RBFOX1: variants seen among roughly 807,000 people sequenced by gnomAD.
The protein encoded by RBFOX1 is RNA binding fox-1 homolog 1.
Under a neutral mutation model 57.7 loss-of-function variants are expected in RBFOX1, and 8 were observed. The ratio of observed to expected loss-of-function variants is 0.14; its 90% confidence interval spans 0.08 to 0.25. The LOEUF is 0.25. Ranked by LOEUF, RBFOX1 falls within the 10% of genes least tolerant of loss-of-function variation. The pLI, the probability that RBFOX1 is intolerant of heterozygous loss-of-function variation, is 1.00. For missense variants in RBFOX1, 611 were observed against 548.5 expected (o/e 1.11, Z -1.14); for synonymous variants, 326 against 222.4 (o/e 1.47, Z -4.15).
chr16:6,772,425 C>CGTGT (rs138817907), intron 3 of RBFOX1, among the ~76,000 whole-genome samples: 20 of 146,806 alleles, frequency 1.4e-4, no homozygotes, highest in African/African-American at 3.7e-4. Context: ...TGCGCACGTG[C>CGTGT]GTGTGTGTGT....
chr16:5,283,840 T>G (rs575293158), intron 1 of RBFOX1, among the ~76,000 whole-genome samples: 1 of 152,040 alleles, frequency 6.6e-6, no homozygotes, highest in African/African-American at 2.4e-5. Context: ...TCTCAGTTAA[T>G]GCTGAACTTA....
chr16:6,542,910 C>A (rs1283767612), intron 2 of RBFOX1, among the ~76,000 whole-genome samples: 2 of 151,976 alleles, frequency 1.3e-5, no homozygotes, highest in Non-Finnish European at 2.9e-5. Flanking sequence ...TAGTGGGGAC[C>A]ACACCGTGCT....
chr16:7,507,254 A>C (rs2073627026), intron 4 of RBFOX1, among the ~76,000 whole-genome samples: 1 of 152,088 alleles, frequency 6.6e-6, no homozygotes, highest in African/African-American at 2.4e-5. Context: ...AAGATTTTAC[A>C]CTCTGAACCC....
At chr16:7,057,622 G>A (rs1181599934) in intron 4 of RBFOX1, among the ~76,000 whole-genome samples, 1 of 152,200 alleles carries the variant, frequency 6.6e-6, no homozygotes, top group Non-Finnish European at 1.5e-5. Context: ...ATCTGTCCAG[G>A]GAAGTGGTAT....
chr16:6,478,518 C>G (rs972012849), intron 2 of RBFOX1, among the ~76,000 whole-genome samples: 20 of 145,608 alleles, frequency 1.4e-4, no homozygotes, highest in African/African-American at 4.8e-4. Flanking sequence ...TTGTGATTCA[C>G]TTGCCTTGGC....
chr16:6,247,968 C>A (rs1199704509), intron 1 of RBFOX1, among the ~76,000 whole-genome samples: 1 of 152,158 alleles, frequency 6.6e-6, no homozygotes, highest in Non-Finnish European at 1.5e-5. Context: ...GGACATCCAT[C>A]CCTTTGTGTT....
At chr16:6,613,216 C>G (rs532261408) in intron 2 of RBFOX1, among the ~76,000 whole-genome samples, 110 of 152,222 alleles carry the variant, frequency 7.2e-4, no homozygotes, top group Non-Finnish European at 1.2e-3. Flanking sequence ...GCAGCTCCCC[C>G]ACTGTGCACT....
chr16:6,778,377 A>T (rs1185334537), intron 3 of RBFOX1, among the ~76,000 whole-genome samples: 1 of 152,166 alleles, frequency 6.6e-6, no homozygotes, highest in Non-Finnish European at 1.5e-5. Context: ...TGTTTAATCT[A>T]TATCCCCACT....
chr16:7,040,092 C>T (rs539530527), intron 3 of RBFOX1, among the ~76,000 whole-genome samples: 85 of 152,092 alleles, frequency 5.6e-4, no homozygotes, highest in African/African-American at 2.0e-3. Flanking sequence ...ATGATCTCAG[C>T]TCACTGCAAC....
In RBFOX1 at chr16:7,510,967, T is replaced by G. The variant is rs1005123744; in HGVS notation, c.28-7180T>G. On this transcript the variant is annotated intron_variant, in intron 4 of 15. Transcript: ENST00000550418. ...AGGTTCTCCACAGCAGGAAATAAAC[T>G]GGGGACAAGTAAATTCCAGATGCAG... Among the ~76,000 whole-genome samples the G allele has an allele frequency of 7.9e-5, 12 of 152,118 alleles. 1 individual carries two copies. Among genetic ancestry groups the G allele is most frequent in the Admixed American group, 6.5e-4 (10 of 15,278 alleles).
At chr16:6,679,023 C>T (rs1167013375) in intron 3 of RBFOX1, among the ~76,000 whole-genome samples, 3 of 152,204 alleles carry the variant, frequency 2.0e-5, no homozygotes, top group South Asian at 4.1e-4. Flanking sequence ...AAGAGATCGA[C>T]TCTGCGTGTT....
At chr16:5,615,103 T>C in intron 3 of RBFOX1, among the ~76,000 whole-genome samples, 1 of 152,206 alleles carries the variant, frequency 6.6e-6, no homozygotes, top group East Asian at 1.9e-4. Flanking sequence ...GGTGCCGTCA[T>C]AGCTCACTGC....
intron 4 of RBFOX1, among the ~76,000 whole-genome samples, chr16:7,053,501 C>T (rs925259096): frequency 6.6e-6 from 1 of 152,132 alleles, no homozygotes; most frequent in Admixed American, 6.5e-5. Flanking sequence ...TAGGTCAGAG[C>T]TAGATAAAGA....
At chr16:7,484,743 C>T (rs2064946306) in intron 4 of RBFOX1, among the ~76,000 whole-genome samples, 1 of 152,222 alleles carries the variant, frequency 6.6e-6, no homozygotes, top group South Asian at 2.1e-4. Context: ...GGATGACAGG[C>T]ATAAGCCACA....
At chr16:6,533,855 A>G (rs2096697160) in intron 2 of RBFOX1, among the ~76,000 whole-genome samples, 1 of 152,180 alleles carries the variant, frequency 6.6e-6, no homozygotes, top group Admixed American at 6.5e-5. Context: ...TACGTACTAA[A>G]CATAAAAGAG....
At chr16:6,215,319 G>T (rs370574028) in intron 1 of RBFOX1, among the ~76,000 whole-genome samples, 1 of 136,552 alleles carries the variant, frequency 7.3e-6, no homozygotes. Context: ...GGTAGAGAGA[G>T]ACAGAGAGGG....
intron 2 of RBFOX1, among the ~76,000 whole-genome samples, chr16:6,533,395 G>A (rs1238761644): frequency 6.6e-6 from 1 of 152,182 alleles, no homozygotes; most frequent in Non-Finnish European, 1.5e-5. Context: ...GAAACTCCCT[G>A]CTAAGGATGC....
intron 3 of RBFOX1, among the ~76,000 whole-genome samples, chr16:5,739,201 A>T (rs11076957): frequency 0.28 from 42,126 of 152,148 alleles, 6,321 homozygotes; most frequent in East Asian, 0.56. Context: ...TATTCAGGCA[A>T]GGAAGGATGA....
intron 1 of RBFOX1, among the ~76,000 whole-genome samples, chr16:5,338,152 C>CT (rs144772081): frequency 0.081 from 12,352 of 152,136 alleles, 697 homozygotes; most frequent in African/African-American, 0.15. Flanking sequence ...GTTACTGAGC[C>CT]TTATTGAGGC....
Sources: gnomAD v4.1 joint callset for allele counts (sites outside exome capture counted in the v4.1 genomes callset) on GRCh38, gnomAD v4.1.1 for gene constraint, MANE v1.5 for transcripts, NCBI Gene and HGNC (gene_info 2026-07-23, HGNC 2026-07-21) for gene names.